NALF1: variants seen among roughly 807,000 people sequenced by gnomAD.
NALF1 encodes the protein NALCN channel auxiliary factor 1.
A neutral mutation model predicts 48.4 loss-of-function variants in NALF1; 3 were observed. The ratio of observed to expected loss-of-function variants is 0.06; its 90% CI spans 0.03 to 0.16. The LOEUF (loss-of-function observed/expected upper bound fraction) is 0.16. Among genes scored for constraint, NALF1 ranks in the 10% least tolerant of loss-of-function variants. The pLI, the probability that NALF1 is intolerant of heterozygous loss-of-function variation, is 1.00. For missense variants in NALF1, 526 were observed against 571.5 expected (o/e 0.92, Z 0.81); for synonymous variants, 262 against 245.7 (o/e 1.07, Z -0.62).
intron 1 of NALF1, among the ~76,000 whole-genome samples, chr13:107,273,745 C>T (rs549044191): frequency 4.6e-5 from 7 of 152,276 alleles, no homozygotes; most frequent in African/African-American, 9.6e-5. Flanking sequence ...GGTGAAATAA[C>T]GGCTCTTTTT....
intron 1 of NALF1, among the ~76,000 whole-genome samples, chr13:107,240,441 G>A (rs1341934289): frequency 6.6e-6 from 1 of 152,158 alleles, no homozygotes; most frequent in Non-Finnish European, 1.5e-5. Flanking sequence ...TACAAAATGA[G>A]TATGACAATA....
At chr13:107,608,003 C>T (rs931241259) in intron 1 of NALF1, among the ~76,000 whole-genome samples, 1 of 152,178 alleles carries the variant, frequency 6.6e-6, no homozygotes, top group Non-Finnish European at 1.5e-5. Flanking sequence ...GAAACTCTGC[C>T]ATTTTCTTAA....
chr13:107,428,800 A>T (rs527680071), intron 1 of NALF1, among the ~76,000 whole-genome samples: 1 of 152,296 alleles, frequency 6.6e-6, no homozygotes, highest in Non-Finnish European at 1.5e-5. Flanking sequence ...TTAACAAACT[A>T]TGTATGTTAT....
chr13:107,623,166 C>A (rs1566419285), intron 1 of NALF1, among the ~76,000 whole-genome samples: 1 of 152,112 alleles, frequency 6.6e-6, no homozygotes, highest in East Asian at 1.9e-4. Flanking sequence ...GACACATACA[C>A]ATAGTCAACT....
chr13:107,830,107 C>T (rs1017708132), intron 1 of NALF1, among the ~76,000 whole-genome samples: 4 of 152,132 alleles, frequency 2.6e-5, no homozygotes, highest in Admixed American at 2.6e-4. Context: ...GAGAACAATT[C>T]GGCCCAGCTG....
At chr13:107,463,757 T>C (rs2139045226) in intron 1 of NALF1, among the ~76,000 whole-genome samples, 1 of 152,196 alleles carries the variant, frequency 6.6e-6, no homozygotes, top group African/African-American at 2.4e-5. Context: ...GAACAGAAGA[T>C]GTAGAATATT....
intron 2 of NALF1, among the ~76,000 whole-genome samples, chr13:107,198,482 C>A (rs1169389807): frequency 6.6e-6 from 1 of 152,218 alleles, no homozygotes. Context: ...TCCCTCGATG[C>A]CTTTGTAATT....
chr13:107,458,605 C>CA (rs1186534807), intron 1 of NALF1, among the ~76,000 whole-genome samples: 4 of 152,154 alleles, frequency 2.6e-5, no homozygotes, highest in Non-Finnish European at 4.4e-5. Flanking sequence ...TGAGGTTAAA[C>CA]AGGAAGACGC....
In NALF1 at chr13:107,670,625, G is replaced by A. The variant is rs569980787; in HGVS notation, c.915+195057C>T. Among the ~76,000 whole-genome samples, 28 of 152,152 alleles carry A rather than the reference G, an allele frequency of 1.8e-4. No homozygotes were observed. In the South Asian group the frequency reaches 1.9e-3, roughly 10 times the overall value. The stretch of plus-strand genomic sequence containing the variant: ...ATCATTGTAATATCCCATGGGCCAC[G>A]TATAATTTCTTACCAGCTCTTCTAG... On this transcript the variant is annotated intron_variant, in intron 1 of 2. Coordinates refer to ENST00000375915, the MANE Select transcript of NALF1 (RefSeq NM_001080396.3).
At chr13:107,577,474 C>A (rs563638595) in intron 1 of NALF1, among the ~76,000 whole-genome samples, 1 of 33,194 alleles carries the variant, frequency 3.0e-5, no homozygotes, top group Non-Finnish European at 5.8e-5. Context: ...TAGATATCTG[C>A]AATACCCCCA....
chr13:107,709,951 A>G (rs867671146), intron 1 of NALF1, among the ~76,000 whole-genome samples: 3 of 152,164 alleles, frequency 2.0e-5, no homozygotes, highest in Non-Finnish European at 4.4e-5. Flanking sequence ...AAAGAGCTCA[A>G]TATAAGTTTA....
chr13:107,305,786 T>C (rs1027605031), intron 1 of NALF1, among the ~76,000 whole-genome samples: 2 of 152,168 alleles, frequency 1.3e-5, no homozygotes, highest in African/African-American at 2.4e-5. Context: ...ACACCTAAAA[T>C]TCTAGAAAAG....
At chr13:107,698,112 C>T (rs111948880) in intron 1 of NALF1, among the ~76,000 whole-genome samples, 9,943 of 152,208 alleles carry the variant, frequency 0.065, 391 homozygotes, top group African/African-American at 0.096. Context: ...CATCCTCATT[C>T]TTTTTACTGA....
intron 2 of NALF1, among the ~76,000 whole-genome samples, chr13:107,183,557 G>A (rs1004381695): frequency 2.6e-5 from 4 of 152,064 alleles, no homozygotes; most frequent in Admixed American, 1.3e-4. Flanking sequence ...TGTTTATTGC[G>A]GCACTGTTCA....
intron 1 of NALF1, among the ~76,000 whole-genome samples, chr13:107,644,584 G>GA (rs1329091954): frequency 7.0e-6 from 1 of 142,010 alleles, no homozygotes; most frequent in Non-Finnish European, 1.5e-5. Flanking sequence ...TCACAGGACA[G>GA]AAAAAAATAC....
At chr13:107,755,282 A>G (rs1008246319) in intron 1 of NALF1, among the ~76,000 whole-genome samples, 1 of 152,010 alleles carries the variant, frequency 6.6e-6, no homozygotes, top group African/African-American at 2.4e-5. Flanking sequence ...CACATCTTCA[A>G]ATTATCTCCA....
intron 1 of NALF1, among the ~76,000 whole-genome samples, chr13:107,327,039 A>G (rs942381263): frequency 1.3e-5 from 2 of 152,236 alleles, no homozygotes; most frequent in Non-Finnish European, 2.9e-5. Context: ...TCACACATTG[A>G]AGGTTTCTGT....
At chr13:107,781,706 T>C (rs1469822461) in intron 1 of NALF1, among the ~76,000 whole-genome samples, 2 of 151,868 alleles carry the variant, frequency 1.3e-5, no homozygotes, top group East Asian at 1.9e-4. Flanking sequence ...CTTCATTTGG[T>C]GCACAATCTC....
intron 1 of NALF1, among the ~76,000 whole-genome samples, chr13:107,262,931 T>A (rs1322698574): frequency 6.6e-6 from 1 of 152,158 alleles, no homozygotes; most frequent in Non-Finnish European, 1.5e-5. Flanking sequence ...AGTATTTGGT[T>A]AACAAAGAGA....
Sources: gnomAD v4.1 joint callset for allele counts (sites outside exome capture counted in the v4.1 genomes callset) on GRCh38, gnomAD v4.1.1 for gene constraint, MANE v1.5 for transcripts, NCBI Gene and HGNC (gene_info 2026-07-23, HGNC 2026-07-21) for gene names.